Variants in CACNA2D1 observed in about 807,000 individuals in gnomAD.
CACNA2D1 encodes the protein voltage-dependent calcium channel subunit alpha-2/delta-1.
Under a neutral mutation model 171.5 loss-of-function variants are expected in CACNA2D1, and 53 were observed. The observed-to-expected ratio is 0.31, with a 90% CI of 0.25 to 0.39. CACNA2D1 has a LOEUF of 0.39. Among genes scored for constraint, CACNA2D1 ranks in the 10% least tolerant of loss-of-function variants. The pLI is 1.00. For missense variants in CACNA2D1, 903 were observed against 1,299.8 expected, an observed-to-expected ratio of 0.69 and a Z score of 4.69; for synonymous variants, 442 against 443.1, an observed-to-expected ratio of 1.00 and a Z score of 0.03.
chr7:82,410,930 C>T (rs1293863089), intron 1 of CACNA2D1, among the ~76,000 whole-genome samples: 1 of 152,196 alleles, frequency 6.6e-6, no homozygotes, highest in African/African-American at 2.4e-5. Flanking sequence ...CATAGGATTA[C>T]ATTCTAAAAT....
chr7:82,238,514 A>G (rs1803879814), intron 3 of CACNA2D1, among the ~76,000 whole-genome samples: 1 of 152,222 alleles, frequency 6.6e-6, no homozygotes, highest in African/African-American at 2.4e-5. Flanking sequence ...GGAAATGCAA[A>G]CCAAAACTAC....
intron 1 of CACNA2D1, among the ~76,000 whole-genome samples, chr7:82,353,455 C>T (rs55999181): frequency 0.088 from 13,386 of 151,986 alleles, 1,971 homozygotes; most frequent in African/African-American, 0.3. Flanking sequence ...ATACACTAGG[C>T]AATTGAATGG....
intron 10 of CACNA2D1, chr7:82,051,137 A>G (rs959965207): frequency 6.4e-6 from 1 of 156,552 alleles, no homozygotes; most frequent in Non-Finnish European, 1.4e-5. Flanking sequence ...GACTTTTACA[A>G]TCTTTAGAAT....
chr7:82,263,681 T>C (rs1311995763), intron 3 of CACNA2D1, among the ~76,000 whole-genome samples: 1 of 152,220 alleles, frequency 6.6e-6, no homozygotes, highest in Non-Finnish European at 1.5e-5. Flanking sequence ...AGATATACTT[T>C]TGTTTTGTTT....
chr7:82,278,724 A>G (rs1809689154), intron 3 of CACNA2D1, among the ~76,000 whole-genome samples: 1 of 152,178 alleles, frequency 6.6e-6, no homozygotes, highest in Admixed American at 6.5e-5. Context: ...ACAGAAATTA[A>G]TAATAACCTA....
intron 30 of CACNA2D1, 116 bp from the exon 31 acceptor site, chr7:81,967,323 A>G (rs575257851): frequency 2.2e-6 from 2 of 901,982 alleles, no homozygotes; most frequent in Non-Finnish European, 3.6e-6. Flanking sequence ...AAATAAGATT[A>G]AACAGTCTAG....
intron 16 of CACNA2D1, 30 bp from the exon 17 acceptor site, chr7:82,005,869 T>G (rs762311297): frequency 7.5e-7 from 1 of 1,331,146 alleles, no homozygotes; most frequent in Non-Finnish European, 1.1e-6. Flanking sequence ...AATGGCATTT[T>G]ATGTCAAAAA....
At chr7:82,045,366 T>C (rs2131267647) in intron 10 of CACNA2D1, among the ~76,000 whole-genome samples, 1 of 152,286 alleles carries the variant, frequency 6.6e-6, no homozygotes, top group Admixed American at 6.5e-5. Flanking sequence ...TACTATTTAA[T>C]CTAAACCTAT....
At chr7:82,093,889 A>C (rs1811535372) in intron 6 of CACNA2D1, among the ~76,000 whole-genome samples, 1 of 152,320 alleles carries the variant, frequency 6.6e-6, no homozygotes, top group Admixed American at 6.5e-5. Flanking sequence ...CAAATTAGAT[A>C]AGGGAAATCT....
At chr7:82,443,285 C>G (rs1830649022) in intron 1 of CACNA2D1, 80 bp downstream of exon 1, 2 of 1,420,726 alleles carry the variant, frequency 1.4e-6, no homozygotes, top group Non-Finnish European at 1.9e-6. Flanking sequence ...GGAAAAGCCC[C>G]GCGACTCGGG....
intron 6 of CACNA2D1, among the ~76,000 whole-genome samples, chr7:82,100,337 G>T (rs543251072): frequency 6.6e-6 from 1 of 152,042 alleles, no homozygotes; most frequent in Non-Finnish European, 1.5e-5. Context: ...TTCATATAAA[G>T]TTTTTTATTT....
rs184275125 is a variant in CACNA2D1 at position 81,983,852 on chromosome 7, A to T, written c.1874-518T>A. 3.9e-5 allele frequency among the ~76,000 whole-genome samples: 6 copies of T among 152,342 alleles called. No individual in the cohort carries two copies. The East Asian group carries it at 1.2e-3, about 29-fold the overall frequency. On this transcript the variant is annotated intron_variant, in intron 22 of 38. Coordinates refer to ENST00000356860, the MANE Select transcript of CACNA2D1 (RefSeq NM_000722.4). The stretch of plus-strand genomic sequence containing the variant: ...GAAAGAAACTGTAGCTTACTTTAAG[A>T]TCAGATGTAAAATATATACGTATAT...
chr7:81,960,518 G>A (rs934859479), intron 36 of CACNA2D1, among the ~76,000 whole-genome samples: 3 of 151,962 alleles, frequency 2.0e-5, no homozygotes, highest in African/African-American at 4.8e-5. Context: ...CACACCTTAA[G>A]CTGCTCTTAC....
chr7:82,019,862 G>C (rs1239409055), intron 12 of CACNA2D1, among the ~76,000 whole-genome samples: 2 of 152,070 alleles, frequency 1.3e-5, no homozygotes, highest in Non-Finnish European at 2.9e-5. Flanking sequence ...AATCATGTTA[G>C]AAAAATGAAG....
chr7:82,146,502 A>C (rs4732428), intron 4 of CACNA2D1, among the ~76,000 whole-genome samples: 11,855 of 119,698 alleles, frequency 0.099, 715 homozygotes, highest in East Asian at 0.24. Context: ...ATTTATATAT[A>C]TATAAAGATA....
chr7:81,989,075 T>A (rs936516056), intron 21 of CACNA2D1, among the ~76,000 whole-genome samples: 1 of 152,162 alleles, frequency 6.6e-6, no homozygotes, highest in East Asian at 1.9e-4. Context: ...GGAATGAGCA[T>A]GTGACTGTTT....
intron 21 of CACNA2D1, among the ~76,000 whole-genome samples, chr7:81,989,402 T>C (rs1305259542): frequency 6.6e-6 from 1 of 152,180 alleles, no homozygotes; most frequent in Non-Finnish European, 1.5e-5. Flanking sequence ...GAAATAACGA[T>C]AGACGATGGA....
chr7:82,322,858 G>A (rs1816172273), intron 3 of CACNA2D1, among the ~76,000 whole-genome samples: 1 of 152,100 alleles, frequency 6.6e-6, no homozygotes, highest in African/African-American at 2.4e-5. Flanking sequence ...ATCTCACAAC[G>A]GGCTTCTACC....
intron 3 of CACNA2D1, among the ~76,000 whole-genome samples, chr7:82,329,014 C>T (rs1321966845): frequency 6.6e-6 from 1 of 152,022 alleles, no homozygotes; most frequent in Non-Finnish European, 1.5e-5. Flanking sequence ...TTTCTTTCCA[C>T]ATTTTTTAGT....
Sources: allele counts gnomAD v4.1 joint callset (sites outside exome capture counted in the v4.1 genomes callset), GRCh38; gene constraint gnomAD v4.1.1; transcripts MANE v1.5; gene names NCBI Gene and HGNC (gene_info 2026-07-23, HGNC 2026-07-21).